Variants in SLC25A21 observed in about 807,000 individuals in gnomAD.
SLC25A21 encodes solute carrier family 25 member 21.
Under a neutral mutation model 43.8 loss-of-function variants are expected in SLC25A21, and 47 were observed. The observed-to-expected ratio is 1.07, with a 90% CI of 0.85 to 1.37. The LOEUF is 1.37. SLC25A21 is among the 40% of genes most tolerant of loss of function. The pLI is 0.00. For synonymous variants in SLC25A21, 131 were observed against 121.3 expected (o/e 1.08, Z -0.52); for missense variants, 352 against 350.2 (o/e 1.00, Z -0.04).
intron 1 of SLC25A21, among the ~76,000 whole-genome samples, chr14:36,963,745 C>T (rs551463532): frequency 6.6e-6 from 1 of 152,276 alleles, no homozygotes; most frequent in South Asian, 2.1e-4. Flanking sequence ...CAACGAGTGC[C>T]AGGAGTACCC....
intron 1 of SLC25A21, among the ~76,000 whole-genome samples, chr14:37,077,021 G>T (rs1962294836): frequency 6.6e-6 from 1 of 152,112 alleles, no homozygotes; most frequent in Non-Finnish European, 1.5e-5. Context: ...TTTTCTGATG[G>T]CATAAAAAAT....
chr14:36,819,606 T>C (rs1888562545), intron 2 of SLC25A21, among the ~76,000 whole-genome samples: 1 of 152,146 alleles, frequency 6.6e-6, no homozygotes, highest in Non-Finnish European at 1.5e-5. Context: ...AAGACAAGGG[T>C]GTTTGAAAAT....
At chr14:36,741,293 T>TTGCTCC (rs1885251725) in intron 3 of SLC25A21, among the ~76,000 whole-genome samples, 1 of 152,202 alleles carries the variant, frequency 6.6e-6, no homozygotes, top group Non-Finnish European at 1.5e-5. Context: ...GAATATTTTC[T>TTGCTCC]TATTTGCAGC....
chr14:36,729,549 C>T lies in SLC25A21; in HGVS notation c.288G>A (p.Gln96=), dbSNP rs1299088996. The change falls in exon 5 of 10, where the codon CAG becomes CAA. Residue 96 remains glutamine (Q), a synonymous_variant. Coordinates refer to ENST00000331299, the MANE Select transcript of SLC25A21 (RefSeq NM_030631.4). The part of the protein sequence containing the change: ...KRAVKFFTFE[Q]YKKLLGYVSL... Reference sequence around the variant, plus strand: ...ACACATATCCCAGCAATTTCTTGTACTGCTCAAAGGTGAAAAACTGTGAAA... The same window carrying T: ...ACACATATCCCAGCAATTTCTTGTATTGCTCAAAGGTGAAAAACTGTGAAA... 2 of 1,610,052 alleles carry T rather than the reference C, an allele frequency of 1.2e-6. No individual in the cohort carries two copies. Among genetic ancestry groups the T allele is most frequent in the Admixed American group, 1.7e-5 (1 of 59,344 alleles).
Position 36,680,490 on chromosome 14 carries a change from T to C in SLC25A21, c.*168A>G. The C allele has an allele frequency of 8.0e-7, 1 of 1,249,716 alleles. No homozygotes were observed. Among genetic ancestry groups the C allele is most frequent in the East Asian group, 3.1e-5 (1 of 32,600 alleles). 77.4% of individuals were successfully genotyped at this position (1,249,716 alleles called of 1,614,324 possible). A position where few individuals can be genotyped will look rare whatever the true frequency, so the allele number is the denominator to read the frequency against. On this transcript the variant is annotated 3_prime_UTR_variant, in exon 10 of 10. Transcript: ENST00000331299. Reference sequence around the variant, plus strand: ...AGTTTTATTTATACAGCCAAAACTATAATCTCAAGTTGCCTATAGACATTT... The same window carrying C: ...AGTTTTATTTATACAGCCAAAACTACAATCTCAAGTTGCCTATAGACATTT...
At chr14:37,101,652 G>A (rs1962819143) in intron 1 of SLC25A21, among the ~76,000 whole-genome samples, 1 of 152,034 alleles carries the variant, frequency 6.6e-6, no homozygotes, top group African/African-American at 2.4e-5. Context: ...TTTAAATGAT[G>A]GTTTGCAAAT....
chr14:36,968,293 G>A (rs917762374), intron 1 of SLC25A21, among the ~76,000 whole-genome samples: 3 of 152,198 alleles, frequency 2.0e-5, no homozygotes, highest in South Asian at 2.1e-4. Flanking sequence ...CGACAGCACA[G>A]CTAAGCCCCT....
intron 2 of SLC25A21, among the ~76,000 whole-genome samples, chr14:36,851,422 A>T (rs1303393147): frequency 6.6e-6 from 1 of 152,322 alleles, no homozygotes; most frequent in South Asian, 2.1e-4. Context: ...GGCAGCAAGA[A>T]TTTAGGAACC....
At chr14:37,124,253 A>C (rs997545818) in intron 1 of SLC25A21, among the ~76,000 whole-genome samples, 29 of 152,110 alleles carry the variant, frequency 1.9e-4, no homozygotes, top group Non-Finnish European at 2.9e-5. Flanking sequence ...CATTGGTTTT[A>C]AAATAAAGAA....
At chr14:36,904,151 C>A (rs1012357024) in intron 1 of SLC25A21, among the ~76,000 whole-genome samples, 3 of 152,240 alleles carry the variant, frequency 2.0e-5, no homozygotes, top group African/African-American at 4.8e-5. Flanking sequence ...GCAGGTGATG[C>A]GATTGAGGGG....
chr14:36,908,654 A>G (rs1349938559), intron 1 of SLC25A21, among the ~76,000 whole-genome samples: 2 of 152,174 alleles, frequency 1.3e-5, no homozygotes, highest in African/African-American at 4.8e-5. Context: ...TTTTGTTTCT[A>G]TTTACTTTTA....
At chr14:37,056,403 TG>T (rs1430415309) in intron 1 of SLC25A21, among the ~76,000 whole-genome samples, 2 of 149,504 alleles carry the variant, frequency 1.3e-5, no homozygotes, top group Admixed American at 6.7e-5. Flanking sequence ...GGCAGGAGAA[TG>T]GCGTGAACCC....
chr14:37,164,553 C>G (rs976071073), intron 1 of SLC25A21, among the ~76,000 whole-genome samples: 7 of 152,094 alleles, frequency 4.6e-5, no homozygotes, highest in Admixed American at 6.6e-5. Flanking sequence ...TTTCCTTGAT[C>G]AAAATTTTAA....
At chr14:36,698,811 T>C (rs1883151832) in intron 7 of SLC25A21, among the ~76,000 whole-genome samples, 1 of 152,196 alleles carries the variant, frequency 6.6e-6, no homozygotes, top group Non-Finnish European at 1.5e-5. Flanking sequence ...AGTTAGCCAT[T>C]CGTCTAATCT....
At chr14:37,131,766 T>C (rs555551097) in intron 1 of SLC25A21, among the ~76,000 whole-genome samples, 3 of 152,236 alleles carry the variant, frequency 2.0e-5, no homozygotes, top group Non-Finnish European at 4.4e-5. Context: ...TCTCCATACT[T>C]GGGCTCAAGC....
chr14:36,798,567 A>T (rs2564849), intron 3 of SLC25A21, among the ~76,000 whole-genome samples: 39,696 of 86,752 alleles, frequency 0.46, 6,691 homozygotes, highest in East Asian at 0.61. Flanking sequence ...TTTTTTTTTT[A>T]ATGTAACTGG....
chr14:37,153,406 C>T (rs776518031), intron 1 of SLC25A21, among the ~76,000 whole-genome samples: 13 of 152,208 alleles, frequency 8.5e-5, no homozygotes, highest in Non-Finnish European at 1.0e-4. Context: ...ACATGAGCTG[C>T]AGCAGCCAGT....
At chr14:36,938,768 A>C (rs1892487123) in intron 1 of SLC25A21, among the ~76,000 whole-genome samples, 1 of 152,108 alleles carries the variant, frequency 6.6e-6, no homozygotes, top group South Asian at 2.1e-4. Context: ...AACCTGATGA[A>C]AACCAATCAA....
chr14:36,728,958 G>A (rs569388380), intron 5 of SLC25A21, among the ~76,000 whole-genome samples: 1 of 152,204 alleles, frequency 6.6e-6, no homozygotes, highest in Admixed American at 6.5e-5. Flanking sequence ...ATAGGGAAAT[G>A]TTCAAATCAC....
Sources: allele counts gnomAD v4.1 joint callset (sites outside exome capture counted in the v4.1 genomes callset), GRCh38; gene constraint gnomAD v4.1.1; transcripts MANE v1.5; gene names NCBI Gene and HGNC (gene_info 2026-07-23, HGNC 2026-07-21).